Variants in EXOC3L1 observed in about 807,000 individuals in gnomAD.
The protein encoded by EXOC3L1 is exocyst complex component 3 like 1, also known as exocyst complex component 3-like protein.
EXOC3L1 carries 79 observed loss-of-function variants against 83.6 expected under a neutral mutation model. The ratio of observed to expected loss-of-function variants is 0.95; its 90% CI spans 0.79 to 1.14. EXOC3L1 has a LOEUF of 1.14. EXOC3L1 is among the 50% of genes most tolerant of loss of function. The pLI is 0.00. For synonymous variants in EXOC3L1, 433 were observed against 451.2 expected, an observed-to-expected ratio of 0.96 and a Z score of 0.51; for missense variants, 945 against 972.0, an observed-to-expected ratio of 0.97 and a Z score of 0.37.
intron 9 of EXOC3L1, 121 bp downstream of exon 9, chr16:67,186,116 T>C: frequency 1.5e-6 from 1 of 688,176 alleles, no homozygotes. Context: ...GAACTAGAAT[T>C]GGAACCCCAG....
Position 67,185,434 on chromosome 16 carries a change from A to G in EXOC3L1, c.1553T>C (p.Val518Ala), listed in dbSNP as rs768672619. The change falls in exon 10 of 14, where the codon GTG (valine) becomes GCG (alanine). Residue 518 changes from valine (V) to alanine (A), a missense_variant. Val to Ala is a moderately conservative substitution (Grantham distance 64). Coordinates refer to ENST00000314586, the MANE Select transcript of EXOC3L1 (RefSeq NM_178516.4). ...CTGCAACTCGTCCAGCGCAGCTTCCACTGGAGCCAAGGCCCCTGAAGGCGC... is the reference window on the plus strand; with the variant it reads ...CTGCAACTCGTCCAGCGCAGCTTCCGCTGGAGCCAAGGCCCCTGAAGGCGC... Reference protein sequence around the residue: ...DGAPSGALAPVEAALDELQRR... With the variant: ...DGAPSGALAPAEAALDELQRR... 1.2e-6 allele frequency: 2 copies of G among 1,611,662 alleles called. No individual in the cohort carries two copies. The highest frequency in any genetic ancestry group is 1.7e-6 in the Non-Finnish European group (2 of 1,179,952).
In EXOC3L1 at chr16:67,186,303, C is replaced by A; in HGVS notation, c.1430G>T (p.Gly477Val). The A allele has an allele frequency of 6.4e-7, 1 of 1,574,190 alleles. No homozygotes were observed. The change falls in exon 9 of 14, where the codon GGG (glycine) becomes GTG (valine). Residue 477 changes from glycine to valine, a missense_variant. Gly to Val is a moderately radical substitution (Grantham distance 109). Coordinates refer to ENST00000314586, the MANE Select transcript of EXOC3L1 (RefSeq NM_178516.4). ...CACGTAATGAGGGGCCATTGATTTC[C>A]CCCTGAAGTGGTCTCGGGAGAATCG... ...LIRFSRDHFR[G>V]KSMAPHYVPY...
rs140551848 is a variant in EXOC3L1 at position 67,188,930 on chromosome 16, T to A, written c.218A>T (p.Gln73Leu). 12 of 1,612,778 alleles carry A rather than the reference T, an allele frequency of 7.4e-6. No homozygotes were observed. The African/African-American group carries it at 1.6e-4, about 22-fold the overall frequency. ...AGTCTGCACGCCTTCCAGGTATGAC[T>A]GCATCACTGACTGTGGAAAGATGGA... ...SLESRLKSVM[Q>L]SYLEGVQTGV... The change falls in exon 4 of 14, where the codon CAG (glutamine) becomes CTG (leucine). Residue 73 changes from glutamine to leucine, a missense_variant. Coordinates refer to ENST00000314586, the MANE Select transcript of EXOC3L1 (RefSeq NM_178516.4).
Position 67,185,410 on chromosome 16 carries a change from T to G in EXOC3L1, c.1577A>C (p.Gln526Pro). 1 of 1,612,434 alleles carries G rather than the reference T, an allele frequency of 6.2e-7. No homozygotes were observed. The highest frequency in any genetic ancestry group is 8.5e-7 in the Non-Finnish European group (1 of 1,180,004). The change falls in exon 10 of 14, where the codon CAG (glutamine) becomes CCG (proline). Residue 526 changes from glutamine to proline, a missense_variant. By Grantham distance (76) the Gln-to-Pro change is moderately conservative. Coordinates refer to ENST00000314586, the MANE Select transcript of EXOC3L1 (RefSeq NM_178516.4). ...CAACACCAAGCGGTAGATCCTCCTC[T>G]GCAACTCGTCCAGCGCAGCTTCCAC... ...APVEAALDELQRRIYRLVLEA... is the reference protein window; with the variant it reads ...APVEAALDELPRRIYRLVLEA...
chr16:67,187,194 C>A (rs777533123), intron 5 of EXOC3L1, 31 bp downstream of exon 5: 3 of 1,609,372 alleles, frequency 1.9e-6, no homozygotes, highest in Non-Finnish European at 2.5e-6. Context: ...GCCTCTGATC[C>A]CCCATGTCCC....
rs754434095 is a variant in EXOC3L1, at chr16:67,187,049, A to C, written c.1130T>G (p.Leu377Arg). 1.2e-6 allele frequency: 2 copies of C among 1,613,700 alleles called. No individual in the cohort carries two copies. The highest frequency in any genetic ancestry group is 2.2e-5 in the South Asian group (2 of 91,086). The change falls in exon 6 of 14, where the codon CTG becomes CGG. Residue 377 changes from leucine to arginine, a missense_variant. Physicochemically the swap from Leu to Arg is moderately radical, Grantham distance 102. Coordinates refer to ENST00000314586, the MANE Select transcript of EXOC3L1 (RefSeq NM_178516.4). ...PLLTLENIEQLEATFVANIQA... is the reference protein window; with the variant it reads ...PLLTLENIEQREATFVANIQA... ...GATGTTGGCCACAAATGTTGCCTCC[A>C]GCTGCTCAATGTTCTCCAAGGTCAG...
At chr16:67,189,824 G>T in intron 1 of EXOC3L1, 141 bp from the exon 2 acceptor site, 1 of 777,208 alleles carries the variant, frequency 1.3e-6, no homozygotes, top group Non-Finnish European at 2.1e-6. Flanking sequence ...GGGAGCGGGT[G>T]TGATGCGGAG....
rs2032741863 is a variant in EXOC3L1, at chr16:67,186,861, C to G, written c.1182G>C (p.Gln394His). 3.1e-6 allele frequency: 5 copies of G among 1,613,466 alleles called. No individual in the cohort carries two copies. The highest frequency in any genetic ancestry group is 2.2e-5 in the East Asian group (1 of 44,902). Reference sequence around the variant, plus strand: ...CAGCTACCTCCCCATCCAGTGCATTCTGCAGCCACTGAGACACACTTGCCT... The same window carrying G: ...CAGCTACCTCCCCATCCAGTGCATTGTGCAGCCACTGAGACACACTTGCCT... ...NIQASVSQWL[Q>H]NALDGEVAEW... Residue 394 changes from glutamine (Q) to histidine (H), a missense_variant, in exon 7 of 14, where the codon CAG becomes CAC. Transcript: ENST00000314586.
In EXOC3L1 at chr16:67,189,138, C is replaced by G. The variant is rs200377388; in HGVS notation, c.89G>C (p.Arg30Pro). Residue 30 changes from arginine (R) to proline (P), a missense_variant, in exon 3 of 14, where the codon CGG becomes CCG. Transcript: ENST00000314586. ...PEQERAEQLA[R>P]GAALKWASGI... ...TGAGGCCCACTTGAGCGCTGCACCCCGGGCCAGCTGCTCTGCCCGCTCCTG... is the reference window on the plus strand; with the variant it reads ...TGAGGCCCACTTGAGCGCTGCACCCGGGGCCAGCTGCTCTGCCCGCTCCTG... The G allele has an allele frequency of 6.2e-7, 1 of 1,607,070 alleles. No individual in the cohort carries two copies. The highest frequency in any genetic ancestry group is 1.7e-5 in the Admixed American group (1 of 59,848).
intron 13 of EXOC3L1, 29 bp from the exon 14 acceptor site, chr16:67,184,633 C>A: frequency 6.3e-7 from 1 of 1,583,366 alleles, no homozygotes. Context: ...GGCGCGTCAG[C>A]CCCGTCCTCC....
Position 67,188,910 on chromosome 16 carries a change from G to A in EXOC3L1, c.238C>T (p.Gln80Ter). 6.2e-7 allele frequency: 1 copy of A among 1,613,118 alleles called. No individual in the cohort carries two copies. Among genetic ancestry groups the A allele is most frequent in the Non-Finnish European group, 8.5e-7 (1 of 1,179,956 alleles). Residue 80 changes from glutamine to a stop codon, truncating the protein, a stop_gained, in exon 4 of 14, where the codon CAG (glutamine) becomes TAG (stop). Coordinates refer to ENST00000314586, the MANE Select transcript of EXOC3L1 (RefSeq NM_178516.4). LOFTEE classifies it high-confidence loss of function. ...SVMQSYLEGV[Q>*]TGVWQLAQAI... ...TGGGCCAGCTGCCACACACCAGTCT[G>A]CACGCCTTCCAGGTATGACTGCATC...
At chr16:67,188,663 G>C (rs923026475) in intron 4 of EXOC3L1, 58 bp downstream of exon 4, 47 of 1,505,918 alleles carry the variant, frequency 3.1e-5, no homozygotes, top group Non-Finnish European at 4.2e-5. Context: ...CTTGATTAGG[G>C]ATGGGTGTTT....
intron 1 of EXOC3L1, 126 bp downstream of exon 1, chr16:67,189,845 A>G: frequency 1.5e-6 from 1 of 660,164 alleles, no homozygotes; most frequent in South Asian, 1.9e-5. Context: ...GGCACCTGGG[A>G]GGCTTTGCCT....
In EXOC3L1 at chr16:67,187,542, G is replaced by A. The variant is rs774556717; in HGVS notation, c.723C>T (p.Pro241=). The change falls in exon 5 of 14, where the codon CCC becomes CCT. Residue 241 remains proline, a synonymous_variant. Transcript: ENST00000314586. ...TCAGACAGCGCTGACGCCAGTCCCG[G>A]GGGACCTGGCCCAGGGGGGTTGTTC... The part of the protein sequence containing the change: ...TGRTTPLGQV[P]RDWRQRCLRA... 5.1e-5 allele frequency: 82 copies of A among 1,602,232 alleles called. No individual in the cohort carries two copies. The highest frequency in any genetic ancestry group is 1.6e-4 in the Middle Eastern group (1 of 6,074).
At chr16:67,188,589 G>C in intron 4 of EXOC3L1, 132 bp downstream of exon 4, 1 of 842,900 alleles carries the variant, frequency 1.2e-6, no homozygotes, top group Non-Finnish European at 1.8e-6. Context: ...GGGAAGCCCG[G>C]GCTACTGTCT....
chr16:67,189,753 T>A (rs1047229533), intron 1 of EXOC3L1, 70 bp from the exon 2 acceptor site: 24 of 1,479,388 alleles, frequency 1.6e-5, no homozygotes, highest in Non-Finnish European at 2.2e-5. Context: ...AGCTGCTGCC[T>A]CTGTCTAAGC....
At position 67,187,144 on chromosome 16, in the gene EXOC3L1, G is replaced by T; in HGVS notation, c.1041-6C>A. Reference sequence around the variant, plus strand: ...GGCTCCCCATCATTTCCTGCCTGGAGATAGGTGGCCTGGTGTCACACCAAG... The same window carrying T: ...GGCTCCCCATCATTTCCTGCCTGGATATAGGTGGCCTGGTGTCACACCAAG... On this transcript the variant is annotated splice_region_variant and splice_polypyrimidine_tract_variant and intron_variant, in intron 5 of 13. Transcript: ENST00000314586. The T allele has an allele frequency of 6.2e-7, 1 of 1,612,852 alleles. No individual in the cohort carries two copies. The highest frequency in any genetic ancestry group is 8.5e-7 in the Non-Finnish European group (1 of 1,179,848).
At position 67,189,617 on chromosome 16, in the gene EXOC3L1, C is replaced by T; in HGVS notation, c.46+14G>A. 6.2e-7 allele frequency: 1 copy of T among 1,614,094 alleles called. No homozygotes were observed. Among genetic ancestry groups the T allele is most frequent in the Non-Finnish European group, 8.5e-7 (1 of 1,179,972 alleles). On this transcript the variant is annotated intron_variant, in intron 2 of 13. Transcript: ENST00000314586. ...GCCATCATTCCTCCCCTAGTCCACC[C>T]AAAAGGTTCATACCAGGGGACAACG... is the stretch of plus-strand genomic sequence containing the variant.
rs529550705 is a variant in EXOC3L1, at chr16:67,189,362, C to T, written c.47-182G>A. Among the ~76,000 whole-genome samples, 166 of 152,114 alleles carry T rather than the reference C, an allele frequency of 1.1e-3. 1 individual carries two copies. Among genetic ancestry groups the T allele is most frequent in the Non-Finnish European group, 2.1e-3 (140 of 67,978 alleles). ...TGCAATCTCGGGTCCCTGTAACCTC[C>T]GCCTCCCGGGTTCAAGCGATTCTCC... On this transcript the variant is annotated intron_variant, in intron 2 of 13. Coordinates refer to ENST00000314586, the MANE Select transcript of EXOC3L1 (RefSeq NM_178516.4).
Sources: allele counts gnomAD v4.1 joint callset (sites outside exome capture counted in the v4.1 genomes callset), GRCh38; gene constraint gnomAD v4.1.1; transcripts MANE v1.5; gene names NCBI Gene and HGNC (gene_info 2026-07-23, HGNC 2026-07-21).